Variants in PABPC1 observed in about 807,000 individuals in gnomAD.
PABPC1 encodes polyadenylate-binding protein 1.
Under a neutral mutation model 74.0 loss-of-function variants are expected in PABPC1, and 4 were observed. The ratio of observed to expected loss-of-function variants is 0.05; its 90% confidence interval spans 0.03 to 0.12. PABPC1 has a LOEUF of 0.12. PABPC1 is among the 10% of genes least tolerant of loss of function. The pLI is 1.00. For synonymous variants in PABPC1, 227 were observed against 264.1 expected (o/e 0.86, Z 1.36); for missense variants, 271 against 821.1 (o/e 0.33, Z 8.19).
At chr8:100,712,004 G>A (rs1810539411) in intron 7 of PABPC1, among the ~76,000 whole-genome samples, 1 of 152,208 alleles carries the variant, frequency 6.6e-6, no homozygotes, top group Admixed American at 6.5e-5. Context: ...CTGCTAGGGG[G>A]CAGGGGAGGG....
intron 13 of PABPC1, among the ~76,000 whole-genome samples, 161 bp from the exon 14 acceptor site, chr8:100,704,551 A>AT (rs1365088260): frequency 6.6e-6 from 1 of 152,212 alleles, no homozygotes; most frequent in African/African-American, 2.4e-5. Context: ...TTTGAGTTCT[A>AT]TTACACCACT....
chr8:100,718,365 T>C (rs1423258841), intron 1 of PABPC1, 85 bp from the exon 2 acceptor site: 3 of 1,071,272 alleles, frequency 2.8e-6, no homozygotes, highest in South Asian at 3.1e-5. Flanking sequence ...GTGACTGGAG[T>C]GGGAGGACAC....
chr8:100,707,226 C>A, intron 9 of PABPC1: 1 of 381,280 alleles, frequency 2.6e-6, no homozygotes, highest in South Asian at 2.4e-5. Context: ...CCCACAGGGT[C>A]GGTGGGCTTC....
At chr8:100,713,931 A>AT (rs1000541945) in intron 4 of PABPC1, among the ~76,000 whole-genome samples, 1 of 151,594 alleles carries the variant, frequency 6.6e-6, no homozygotes, top group Non-Finnish European at 1.5e-5. Flanking sequence ...CAGGGAAAAA[A>AT]AATTCTTTTT....
At chr8:100,710,633 G>GAC (rs974410054) in intron 7 of PABPC1, among the ~76,000 whole-genome samples, 40 of 152,194 alleles carry the variant, frequency 2.6e-4, no homozygotes, top group African/African-American at 9.2e-4. Context: ...TTTCTAAGAT[G>GAC]ACACACACAC....
intron 4 of PABPC1, among the ~76,000 whole-genome samples, chr8:100,715,122 T>TACACAC (rs56819980): frequency 0.05 from 6,519 of 131,228 alleles, 187 homozygotes; most frequent in African/African-American, 0.091. Context: ...GATCTCTAAT[T>TACACAC]ACACACACAC....
At chr8:100,719,413 T>C (rs868415271) in intron 1 of PABPC1, among the ~76,000 whole-genome samples, 3 of 151,850 alleles carry the variant, frequency 2.0e-5, no homozygotes, top group Non-Finnish European at 2.9e-5. Context: ...TAGCTGACTT[T>C]GCTTGAGCTA....
intron 14 of PABPC1, 117 bp downstream of exon 14, chr8:100,704,180 C>T: frequency 2.7e-6 from 2 of 737,838 alleles, no homozygotes; most frequent in Non-Finnish European, 4.7e-6. Context: ...ATTAGCAATA[C>T]ATTTAAATGA....
At chr8:100,713,699 G>C (rs1416341122) in intron 4 of PABPC1, among the ~76,000 whole-genome samples, 1 of 152,124 alleles carries the variant, frequency 6.6e-6, no homozygotes, top group Admixed American at 6.5e-5. Context: ...TGTTGCCCGG[G>C]CTAGTCTAAA....
chr8:100,718,724 T>C (rs1810736287), intron 1 of PABPC1, among the ~76,000 whole-genome samples: 1 of 152,240 alleles, frequency 6.6e-6, no homozygotes, highest in Non-Finnish European at 1.5e-5. Flanking sequence ...TCTTCCCAAC[T>C]ACTTGCTAAA....
intron 3 of PABPC1, 146 bp downstream of exon 3, chr8:100,717,625 ATT>A (rs959669199): frequency 1.3e-5 from 8 of 599,224 alleles, no homozygotes; most frequent in African/African-American, 7.5e-5. Context: ...AACTACATGA[ATT>A]TTTGTTATTC....
At chr8:100,707,612 G>C (rs1810415391) in intron 9 of PABPC1, among the ~76,000 whole-genome samples, 2 of 152,212 alleles carry the variant, frequency 1.3e-5, no homozygotes, top group African/African-American at 4.8e-5. Flanking sequence ...GCAGAGCCAG[G>C]TGTACAGGAT....
chr8:100,720,815 A>T (rs1323008307), intron 1 of PABPC1, among the ~76,000 whole-genome samples: 1 of 152,158 alleles, frequency 6.6e-6, no homozygotes, highest in Non-Finnish European at 1.5e-5. Context: ...AAGCCTGAGG[A>T]CCACCACCAC....
At chr8:100,704,189 G>T in intron 14 of PABPC1, 108 bp downstream of exon 14, 5 of 792,116 alleles carry the variant, frequency 6.3e-6, no homozygotes, top group Non-Finnish European at 4.3e-6. Flanking sequence ...ACATTTAAAT[G>T]AACTGTAAAA....
intron 1 of PABPC1, among the ~76,000 whole-genome samples, chr8:100,720,683 C>T (rs1185402864): frequency 6.6e-6 from 1 of 152,232 alleles, no homozygotes; most frequent in Admixed American, 6.5e-5. Flanking sequence ...ATCCCCTCCT[C>T]CCACTCTGCC....
intron 4 of PABPC1, among the ~76,000 whole-genome samples, chr8:100,715,158 C>T (rs80196784): frequency 0.036 from 2,720 of 76,208 alleles, 68 homozygotes; most frequent in African/African-American, 0.091. Context: ...CACACACACA[C>T]ATATATATCT....
chr8:100,713,217 A>G, intron 4 of PABPC1, 36 bp from the exon 5 acceptor site: 2 of 1,241,038 alleles, frequency 1.6e-6, no homozygotes, highest in Non-Finnish European at 2.3e-6. Flanking sequence ...AAGATATTCC[A>G]TACAACATTC....
intron 8 of PABPC1, 87 bp downstream of exon 8, chr8:100,709,372 C>CA: frequency 1.3e-6 from 2 of 1,527,384 alleles, no homozygotes; most frequent in Non-Finnish European, 1.8e-6. Flanking sequence ...CTTAATGTTT[C>CA]ACATTTGCGG....
At chr8:100,704,720 G>C (rs935663996) in intron 13 of PABPC1, among the ~76,000 whole-genome samples, 2 of 152,216 alleles carry the variant, frequency 1.3e-5, no homozygotes, top group Non-Finnish European at 2.9e-5. Flanking sequence ...CTTAAGAGCT[G>C]TGTGAGCATT....
Sources: gnomAD v4.1 joint callset for allele counts (sites outside exome capture counted in the v4.1 genomes callset) on GRCh38, gnomAD v4.1.1 for gene constraint, MANE v1.5 for transcripts, NCBI Gene and HGNC (gene_info 2026-07-23, HGNC 2026-07-21) for gene names.